SLC35F3: variants seen among roughly 807,000 people sequenced by gnomAD.
SLC35F3 encodes putative thiamine transporter SLC35F3.
Under a neutral mutation model 49.9 loss-of-function variants are expected in SLC35F3, and 25 were observed. That is an observed-to-expected ratio of 0.50 (90% CI 0.37 to 0.70). SLC35F3 has a LOEUF of 0.70. Ranked by LOEUF, SLC35F3 falls within the 30% of genes least tolerant of loss-of-function variation. The pLI, the probability that SLC35F3 is intolerant of heterozygous loss-of-function variation, is 0.00. For missense variants in SLC35F3, 525 were observed against 639.8 expected, an observed-to-expected ratio of 0.82 and a Z score of 1.94; for synonymous variants, 275 against 265.4, an observed-to-expected ratio of 1.04 and a Z score of -0.35.
At chr1:234,160,361 G>C (rs147667415) in intron 2 of SLC35F3, among the ~76,000 whole-genome samples, 2 of 152,178 alleles carry the variant, frequency 1.3e-5, no homozygotes, top group Non-Finnish European at 2.9e-5. Flanking sequence ...GCACAACAGC[G>C]TTGTTGGAGA....
At chr1:233,913,680 C>G (rs1021435093) in intron 2 of SLC35F3, among the ~76,000 whole-genome samples, 1 of 152,230 alleles carries the variant, frequency 6.6e-6, no homozygotes, top group Non-Finnish European at 1.5e-5. Flanking sequence ...AAGTAAGCAT[C>G]TACATTTCTG....
At chr1:234,169,058 AG>A (rs1666359582) in intron 2 of SLC35F3, among the ~76,000 whole-genome samples, 1 of 152,222 alleles carries the variant, frequency 6.6e-6, no homozygotes, top group South Asian at 2.1e-4. Context: ...TGTGACTCCC[AG>A]TCAGAGTCCA....
Position 234,320,210 on chromosome 1 carries a change from A to T in SLC35F3, c.1237+23A>T. The T allele has an allele frequency of 1.3e-6, 2 of 1,554,510 alleles. No individual in the cohort carries two copies. The highest frequency in any genetic ancestry group is 1.8e-6 in the Non-Finnish European group (2 of 1,126,124). ...CAGGTAAACCTATGCGGCTTTCTATATCTGCACATAAGCACACACACTCAG... is the reference window on the plus strand; with the variant it reads ...CAGGTAAACCTATGCGGCTTTCTATTTCTGCACATAAGCACACACACTCAG... On this transcript the variant is annotated intron_variant, in intron 7 of 7. Coordinates refer to ENST00000366618, the MANE Select transcript of SLC35F3 (RefSeq NM_173508.4). The surrounding 1 kb of genome is among the most constrained non-coding windows in gnomAD (Gnocchi z 4.8).
intron 2 of SLC35F3, among the ~76,000 whole-genome samples, chr1:234,205,430 C>T (rs1022426360): frequency 1.3e-5 from 2 of 152,222 alleles, no homozygotes; most frequent in Non-Finnish European, 2.9e-5. Flanking sequence ...CAGTGCACTC[C>T]AGCCTGGGCA....
intron 2 of SLC35F3, among the ~76,000 whole-genome samples, chr1:233,961,455 C>CTT (rs35494872): frequency 0.19 from 24,438 of 130,270 alleles, 2,690 homozygotes; most frequent in East Asian, 0.35. Context: ...TTTTTCCTCT[C>CTT]TTTTTTTTTT....
At chr1:234,183,680 A>C (rs1666594190) in intron 2 of SLC35F3, among the ~76,000 whole-genome samples, 1 of 142,876 alleles carries the variant, frequency 7.0e-6, no homozygotes, top group African/African-American at 2.4e-5. Flanking sequence ...TGCAGAGTTT[A>C]TCTTTTGTCA....
chr1:233,923,917 G>A (rs971364752), intron 2 of SLC35F3, among the ~76,000 whole-genome samples: 3 of 152,032 alleles, frequency 2.0e-5, no homozygotes, highest in African/African-American at 7.2e-5. Flanking sequence ...GGTTTTTGTC[G>A]ATGGTTCTGT....
intron 3 of SLC35F3, among the ~76,000 whole-genome samples, chr1:234,233,971 G>A (rs1667424559): frequency 6.6e-6 from 1 of 152,192 alleles, no homozygotes; most frequent in African/African-American, 2.4e-5. Flanking sequence ...TACACCATTG[G>A]AGGGGTGAAG....
In SLC35F3 at chr1:234,282,982, T is replaced by G. The variant is rs75130263; in HGVS notation, c.609-26119T>G. Among the ~76,000 whole-genome samples, 532 of 152,336 alleles carry G rather than the reference T, an allele frequency of 3.5e-3. 3 individuals are homozygous for G. The highest frequency in any genetic ancestry group is 0.012 in the African/African-American group (510 of 41,570). Reference sequence around the variant, plus strand: ...GAACCTGGAGAACTAGATTACTTCTTGAAGATTACGCCAAACCACGAGGTG... The same window carrying G: ...GAACCTGGAGAACTAGATTACTTCTGGAAGATTACGCCAAACCACGAGGTG... On this transcript the variant is annotated intron_variant, in intron 3 of 7. Transcript: ENST00000366618.
At chr1:233,989,978 G>A (rs529050794) in intron 2 of SLC35F3, among the ~76,000 whole-genome samples, 89 of 152,122 alleles carry the variant, frequency 5.9e-4, no homozygotes, top group Non-Finnish European at 9.6e-4. Context: ...TTTTTTAGTC[G>A]TGAGTATCTG....
intron 2 of SLC35F3, among the ~76,000 whole-genome samples, chr1:234,209,915 GA>G (rs2102939372): frequency 6.6e-6 from 1 of 152,306 alleles, no homozygotes; most frequent in East Asian, 1.9e-4. Context: ...GCATTAAACA[GA>G]AAGTAGAATT....
chr1:234,049,090 T>A (rs893716545), intron 2 of SLC35F3, among the ~76,000 whole-genome samples: 4 of 152,120 alleles, frequency 2.6e-5, no homozygotes, highest in Non-Finnish European at 5.9e-5. Flanking sequence ...GACTTTAGAG[T>A]TGATGAGTTG....
chr1:233,979,133 G>C (rs1343658747), intron 2 of SLC35F3, among the ~76,000 whole-genome samples: 1 of 151,924 alleles, frequency 6.6e-6, no homozygotes, highest in African/African-American at 2.4e-5. Flanking sequence ...TTCAGGGCCA[G>C]GCCAGTCCAC....
chr1:234,191,816 A>G (rs1034861548), intron 2 of SLC35F3, among the ~76,000 whole-genome samples: 2 of 152,154 alleles, frequency 1.3e-5, no homozygotes, highest in Non-Finnish European at 2.9e-5. Flanking sequence ...CAAGACTACT[A>G]CTGTGAACAC....
At chr1:234,191,228 C>T (rs1321358289) in intron 2 of SLC35F3, among the ~76,000 whole-genome samples, 1 of 152,070 alleles carries the variant, frequency 6.6e-6, no homozygotes, top group Non-Finnish European at 1.5e-5. Flanking sequence ...TTTAAGAAAA[C>T]TGAAATTATG....
At chr1:234,039,463 G>T (rs1217376111) in intron 2 of SLC35F3, among the ~76,000 whole-genome samples, 1 of 152,212 alleles carries the variant, frequency 6.6e-6, no homozygotes, top group Non-Finnish European at 1.5e-5. Context: ...CATGGAAGGT[G>T]AGGGAGGCTT....
chr1:234,233,102 A>G (rs1342438178), intron 3 of SLC35F3, among the ~76,000 whole-genome samples: 1 of 152,226 alleles, frequency 6.6e-6, no homozygotes, highest in African/African-American at 2.4e-5. Flanking sequence ...AAATTGCTAA[A>G]GAGGCACTTA....
intron 2 of SLC35F3, among the ~76,000 whole-genome samples, chr1:233,956,859 G>A (rs2102808600): frequency 6.6e-6 from 1 of 152,312 alleles, no homozygotes. Flanking sequence ...CATTCATGGG[G>A]AAGCTTGCAA....
At chr1:234,019,456 A>C (rs926630714) in intron 2 of SLC35F3, among the ~76,000 whole-genome samples, 2 of 152,200 alleles carry the variant, frequency 1.3e-5, no homozygotes, top group African/African-American at 4.8e-5. Flanking sequence ...TCAAAAGTCC[A>C]GCGGGCTGGA....
Sources: allele counts gnomAD v4.1 joint callset (sites outside exome capture counted in the v4.1 genomes callset), GRCh38; gene constraint gnomAD v4.1.1; non-coding constraint Gnocchi (gnomAD v3.1); transcripts MANE v1.5; gene names NCBI Gene and HGNC (gene_info 2026-07-23, HGNC 2026-07-21).